The following DOCK3 variants were observed in gnomAD, a reference collection of about 807,000 sequenced individuals.
DOCK3 encodes the protein dedicator of cytokinesis protein 3.
In DOCK3, 60 loss-of-function variants were observed where a neutral mutation model predicts 265.6. That is an observed-to-expected ratio of 0.23 (90% CI 0.18 to 0.28). DOCK3 has a LOEUF of 0.28. DOCK3 is among the 10% of genes least tolerant of loss of function. The pLI, the probability that DOCK3 is intolerant of heterozygous loss-of-function variation, is 1.00. For missense variants in DOCK3, 1,981 were observed against 2,594.3 expected (o/e 0.76, Z 5.14); for synonymous variants, 881 against 938.0 (o/e 0.94, Z 1.11).
chr3:51,010,909 G>T (rs2078922476), intron 5 of DOCK3, among the ~76,000 whole-genome samples: 1 of 152,124 alleles, frequency 6.6e-6, no homozygotes, highest in South Asian at 2.1e-4. Flanking sequence ...GAAATTCTGG[G>T]TGGAAAATTC....
chr3:50,929,221 T>C (rs779184647), intron 4 of DOCK3, among the ~76,000 whole-genome samples: 1 of 152,212 alleles, frequency 6.6e-6, no homozygotes, highest in Non-Finnish European at 1.5e-5. Context: ...TGTTTCTGCC[T>C]CTGAGCATAT....
rs1047575778 is a variant in DOCK3 at position 50,717,635 on chromosome 3, T to C, written c.37+42335T>C. Among the ~76,000 whole-genome samples, 16 of 152,178 alleles carry C rather than the reference T, an allele frequency of 1.1e-4. 1 individual carries two copies. The highest frequency in any genetic ancestry group is 2.2e-4 in the Non-Finnish European group (15 of 68,018). On this transcript the variant is annotated intron_variant, in intron 1 of 52. Transcript: ENST00000266037. ...AAAGTGTCTTTATGTTTCCTTTTTT[T>C]AAATTGAGACGGAGTCTCACTCTGT...
chr3:50,899,409 A>G (rs1034816573), intron 4 of DOCK3, among the ~76,000 whole-genome samples: 3 of 152,096 alleles, frequency 2.0e-5, no homozygotes, highest in African/African-American at 7.2e-5. Context: ...CAGCACAGTG[A>G]TGGGTCTTGA....
chr3:50,748,650 C>T (rs915573565), intron 1 of DOCK3, among the ~76,000 whole-genome samples: 1 of 152,190 alleles, frequency 6.6e-6, no homozygotes, highest in African/African-American at 2.4e-5. Context: ...TACTTTTAGG[C>T]TTTCCATGGC....
chr3:50,923,240 C>T (rs1459691188), intron 4 of DOCK3, among the ~76,000 whole-genome samples: 2 of 152,158 alleles, frequency 1.3e-5, no homozygotes, highest in African/African-American at 4.8e-5. Context: ...TGTGTGCAAG[C>T]ATCTTTTTTT....
intron 12 of DOCK3, among the ~76,000 whole-genome samples, chr3:51,196,102 ATT>A (rs34862284): frequency 0.016 from 2,309 of 142,528 alleles, 22 homozygotes; most frequent in South Asian, 0.042. Context: ...CGCCCAGCTA[ATT>A]TTTTTTTTTT....
intron 2 of DOCK3, among the ~76,000 whole-genome samples, chr3:50,814,811 C>A (rs1218291052): frequency 6.6e-6 from 1 of 151,732 alleles, no homozygotes; most frequent in East Asian, 1.9e-4. Context: ...GCTTATATTT[C>A]TATTTCTTAC....
intron 4 of DOCK3, among the ~76,000 whole-genome samples, chr3:50,919,560 C>T (rs1252523553): frequency 6.6e-6 from 1 of 151,478 alleles, no homozygotes; most frequent in Non-Finnish European, 1.5e-5. Flanking sequence ...CTGTCTGTTA[C>T]TGGTGTAGAG....
intron 13 of DOCK3, among the ~76,000 whole-genome samples, chr3:51,213,832 C>T (rs371867147): frequency 2.0e-5 from 3 of 152,146 alleles, no homozygotes; most frequent in Non-Finnish European, 4.4e-5. Flanking sequence ...CAAGGGCCAG[C>T]TGGACCCTAG....
intron 1 of DOCK3, among the ~76,000 whole-genome samples, chr3:50,725,633 T>G (rs537734831): frequency 2.6e-5 from 4 of 152,174 alleles, no homozygotes; most frequent in Non-Finnish European, 5.9e-5. Flanking sequence ...GTGGCACTTT[T>G]GCTTACCTAC....
chr3:51,280,655 C>T (rs553853732), intron 27 of DOCK3, among the ~76,000 whole-genome samples: 1 of 152,174 alleles, frequency 6.6e-6, no homozygotes, highest in South Asian at 2.1e-4. Context: ...GTGTGCACTG[C>T]TCATTTGCTG....
At chr3:50,966,934 C>T (rs2077051051) in intron 5 of DOCK3, among the ~76,000 whole-genome samples, 1 of 151,880 alleles carries the variant, frequency 6.6e-6, no homozygotes, top group Non-Finnish European at 1.5e-5. Flanking sequence ...GGCAGAATTT[C>T]ACCTCTTTCC....
intron 27 of DOCK3, among the ~76,000 whole-genome samples, chr3:51,281,274 A>AAAATATATATATATATATATATATAT (rs2081096243): frequency 1.6e-5 from 2 of 125,694 alleles, no homozygotes; most frequent in African/African-American, 6.1e-5. Context: ...GATGAGCTAA[A>AAAATATATATATATATATATATATAT]ATATATATAT....
intron 1 of DOCK3, among the ~76,000 whole-genome samples, chr3:50,757,746 C>A (rs537560705): frequency 2.0e-5 from 3 of 152,026 alleles, no homozygotes; most frequent in Non-Finnish European, 4.4e-5. Context: ...TTAGCTCTTA[C>A]ATTTAGGTTT....
intron 1 of DOCK3, among the ~76,000 whole-genome samples, chr3:50,749,300 A>G (rs752939208): frequency 6.6e-6 from 1 of 152,192 alleles, no homozygotes; most frequent in African/African-American, 2.4e-5. Context: ...TTTTATCACT[A>G]TGTTCTGTTG....
chr3:51,083,718 C>G (rs942905588), intron 7 of DOCK3, among the ~76,000 whole-genome samples: 4 of 152,156 alleles, frequency 2.6e-5, no homozygotes, highest in Non-Finnish European at 4.4e-5. Flanking sequence ...CGCAGTGGCT[C>G]ATGACTATAA....
chr3:50,760,896 C>T (rs904963956), intron 1 of DOCK3, among the ~76,000 whole-genome samples: 3 of 152,052 alleles, frequency 2.0e-5, no homozygotes, highest in Admixed American at 2.0e-4. Context: ...ATTCTCCTGC[C>T]TCAGCCTCCT....
intron 14 of DOCK3, among the ~76,000 whole-genome samples, chr3:51,215,742 A>G (rs1158588260): frequency 6.6e-6 from 1 of 152,172 alleles, no homozygotes; most frequent in Non-Finnish European, 1.5e-5. Flanking sequence ...GCAAGCTGCT[A>G]CACACAGCCT....
intron 40 of DOCK3, among the ~76,000 whole-genome samples, chr3:51,351,543 C>T (rs2085979637): frequency 6.6e-6 from 1 of 151,840 alleles, no homozygotes; most frequent in Admixed American, 6.6e-5. Context: ...TGAGCACTGG[C>T]AATATGACAG....
Sources: gnomAD v4.1 joint callset for allele counts (sites outside exome capture counted in the v4.1 genomes callset) on GRCh38, gnomAD v4.1.1 for gene constraint, MANE v1.5 for transcripts, NCBI Gene and HGNC (gene_info 2026-07-23, HGNC 2026-07-21) for gene names.